CREB5: variants seen among roughly 807,000 people sequenced by gnomAD.
CREB5 encodes the protein cyclic AMP-responsive element-binding protein 5.
In CREB5, 19 loss-of-function variants were observed where a neutral mutation model predicts 57.1. That is an observed-to-expected ratio of 0.33 (90% confidence interval 0.23 to 0.49). CREB5 has a LOEUF of 0.49. Ranked by LOEUF, CREB5 falls within the 20% of genes least tolerant of loss-of-function variation. The pLI is 0.99. For synonymous variants in CREB5, 238 were observed against 238.3 expected, an observed-to-expected ratio of 1.00 and a Z score of 0.01; for missense variants, 579 against 671.6, an observed-to-expected ratio of 0.86 and a Z score of 1.52.
intron 5 of CREB5, among the ~76,000 whole-genome samples, chr7:28,680,846 T>C (rs1210028206): frequency 1.3e-5 from 2 of 152,016 alleles, no homozygotes; most frequent in African/African-American, 4.8e-5. Context: ...ACTCTAGTCA[T>C]AGAGATTGGT....
chr7:28,654,847 C>T (rs1799274356), intron 5 of CREB5, among the ~76,000 whole-genome samples: 1 of 152,064 alleles, frequency 6.6e-6, no homozygotes, highest in Admixed American at 6.6e-5. Flanking sequence ...AATTCAAGAC[C>T]CCCGTGACCT....
intron 5 of CREB5, among the ~76,000 whole-genome samples, chr7:28,679,355 C>G (rs572468282): frequency 6.6e-6 from 1 of 152,256 alleles, no homozygotes; most frequent in East Asian, 1.9e-4. Context: ...AAGTTTTCCT[C>G]TCTGTGAAAT....
intron 5 of CREB5, among the ~76,000 whole-genome samples, chr7:28,642,110 T>C (rs1204518794): frequency 1.3e-5 from 2 of 152,258 alleles, no homozygotes; most frequent in African/African-American, 2.4e-5. Context: ...TCATTGTTCT[T>C]TGTTGCCTTT....
At chr7:28,490,562 A>G (rs1049221048) in intron 2 of CREB5, among the ~76,000 whole-genome samples, 4 of 152,234 alleles carry the variant, frequency 2.6e-5, no homozygotes, top group Admixed American at 2.0e-4. Flanking sequence ...ATTAGACTGT[A>G]TGGCAGAATT....
At chr7:28,705,092 T>C (rs1208776832) in intron 5 of CREB5, among the ~76,000 whole-genome samples, 1 of 152,150 alleles carries the variant, frequency 6.6e-6, no homozygotes, top group Middle Eastern at 3.2e-3. Context: ...CGGCTGGGCA[T>C]GGTGGCTGAC....
At chr7:28,359,655 T>G (rs1445879957) in intron 1 of CREB5, among the ~76,000 whole-genome samples, 1 of 152,092 alleles carries the variant, frequency 6.6e-6, no homozygotes, top group African/African-American at 2.4e-5. Context: ...ACAACACTGG[T>G]CTAGGCAATG....
rs1554344482 is a variant in CREB5 at position 28,560,919 on chromosome 7, T to TGTGTGTGTGTGCGTGCGCGCGCGCGTGC, written c.292-9443_292-9442insTGTGTGTGCGTGCGCGCGCGCGTGCGTG. Among the ~76,000 whole-genome samples the TGTGTGTGTGTGCGTGCGCGCGCGCGTGC allele has an allele frequency of 4.7e-5, 2 of 42,990 alleles. 1 individual carries two copies. The highest frequency in any genetic ancestry group is 9.0e-5 in the Non-Finnish European group (2 of 22,258). The allele number at this position is 42,990 out of a possible 152,430, so 28.2% of individuals were successfully genotyped here. A position where few individuals can be genotyped will look rare whatever the true frequency, so the allele number is the denominator to read the frequency against. ...GTGCGTGCGCGCGTGCGTGTGCGTG[T>TGTGTGTGTGTGCGTGCGCGCGCGCGTGC]GTGCGCGTGCGTGTGTGCGTGCGTG... On this transcript the variant is annotated intron_variant, in intron 4 of 10. Transcript: ENST00000357727.
chr7:28,531,407 C>T (rs1304588617), intron 4 of CREB5, among the ~76,000 whole-genome samples: 27 of 152,152 alleles, frequency 1.8e-4, no homozygotes. Flanking sequence ...GTAGATGCAT[C>T]ACTCCAGTCT....
At chr7:28,757,671 CAAAAA>C (rs1008457413) in intron 7 of CREB5, among the ~76,000 whole-genome samples, 1 of 97,276 alleles carries the variant, frequency 1.0e-5, no homozygotes. Flanking sequence ...GACTCCGTCT[CAAAAA>C]AAAAAAAAAA....
intron 7 of CREB5, among the ~76,000 whole-genome samples, chr7:28,800,891 G>A (rs892433401): frequency 6.6e-6 from 1 of 152,230 alleles, no homozygotes; most frequent in African/African-American, 2.4e-5. Flanking sequence ...TTGGCAAAGT[G>A]TGAATGGCAT....
Position 28,751,581 on chromosome 7 carries a change from C to T in CREB5, c.702+27249C>T, listed in dbSNP as rs559535038. On this transcript the variant is annotated intron_variant, in intron 7 of 10. Transcript: ENST00000357727. Reference sequence around the variant, plus strand: ...TAGACACATGTTGTTTTTTCTTTTACTTACTAATGTTGTCATTGTTTTATT... The same window carrying T: ...TAGACACATGTTGTTTTTTCTTTTATTTACTAATGTTGTCATTGTTTTATT... Among the ~76,000 whole-genome samples the T allele has an allele frequency of 1.2e-3, 179 of 152,254 alleles. 5 individuals are homozygous for T. In the South Asian group the frequency reaches 0.036, roughly 31 times the overall value.
chr7:28,733,853 T>A (rs543990967), intron 7 of CREB5, among the ~76,000 whole-genome samples: 1 of 152,326 alleles, frequency 6.6e-6, no homozygotes, highest in South Asian at 2.1e-4. Context: ...TACTGTGATT[T>A]AATATGTCAT....
At chr7:28,586,163 T>C (rs921899321) in intron 5 of CREB5, among the ~76,000 whole-genome samples, 1 of 152,060 alleles carries the variant, frequency 6.6e-6, no homozygotes, top group South Asian at 2.1e-4. Context: ...AAGGGACACC[T>C]CCAAAAGCCC....
At chr7:28,380,554 C>T (rs1199319167) in intron 1 of CREB5, among the ~76,000 whole-genome samples, 2 of 152,244 alleles carry the variant, frequency 1.3e-5, no homozygotes, top group East Asian at 1.9e-4. Context: ...AGAAGGTAAA[C>T]ATCAGTATGC....
chr7:28,662,791 G>T (rs766443941), intron 5 of CREB5, among the ~76,000 whole-genome samples: 2 of 152,126 alleles, frequency 1.3e-5, no homozygotes, highest in African/African-American at 2.4e-5. Context: ...TTCACTGTCA[G>T]CTTTACTATT....
At chr7:28,552,210 G>A (rs1562791649) in intron 4 of CREB5, among the ~76,000 whole-genome samples, 1 of 152,098 alleles carries the variant, frequency 6.6e-6, no homozygotes, top group Non-Finnish European at 1.5e-5. Context: ...GCTAATTTTT[G>A]TATATTTTGT....
intron 5 of CREB5, among the ~76,000 whole-genome samples, chr7:28,632,819 G>T (rs757375153): frequency 4.0e-4 from 61 of 152,064 alleles, no homozygotes; most frequent in Non-Finnish European, 7.5e-4. Context: ...ATTTATCATT[G>T]TCTAAAATGA....
intron 4 of CREB5, among the ~76,000 whole-genome samples, chr7:28,532,588 G>A (rs1443096637): frequency 6.6e-6 from 1 of 152,146 alleles, no homozygotes; most frequent in Non-Finnish European, 1.5e-5. Flanking sequence ...GGATCGGAAG[G>A]TTTTCTTTGT....
chr7:28,512,557 G>A (rs896984296), intron 4 of CREB5, among the ~76,000 whole-genome samples: 4 of 150,862 alleles, frequency 2.7e-5, no homozygotes, highest in East Asian at 2.0e-4. Context: ...AAAAAGAGGT[G>A]TGTGAATTTT....
Sources: allele counts gnomAD v4.1 joint callset (sites outside exome capture counted in the v4.1 genomes callset), GRCh38; gene constraint gnomAD v4.1.1; transcripts MANE v1.5; gene names NCBI Gene and HGNC (gene_info 2026-07-23, HGNC 2026-07-21).